The following RGS7BP variants were observed in gnomAD, a reference collection of about 807,000 sequenced individuals.
The protein encoded by RGS7BP is regulator of G protein signaling 7 binding protein.
In RGS7BP, 9 loss-of-function variants were observed where a neutral mutation model predicts 31.3. The observed-to-expected ratio is 0.29, with a 90% confidence interval of 0.17 to 0.50. RGS7BP has a LOEUF of 0.50. Ranked by LOEUF, RGS7BP falls within the 20% of genes least tolerant of loss-of-function variation. The pLI is 0.98. For synonymous variants in RGS7BP, 115 were observed against 120.1 expected, an observed-to-expected ratio of 0.96 and a Z score of 0.28; for missense variants, 274 against 322.0, an observed-to-expected ratio of 0.85 and a Z score of 1.14.
In RGS7BP at chr5:64,609,526, C is replaced by G. The variant is rs1403450438; in HGVS notation, c.*274C>G. On this transcript the variant is annotated 3_prime_UTR_variant, in exon 6 of 6. Coordinates refer to ENST00000334025, the MANE Select transcript of RGS7BP (RefSeq NM_001029875.3). ...ATGTCTGCTCCAAACCACGCCATGA[C>G]AGATGCAAGAATTATGATTTTTAAA... 2 of 389,610 alleles carry G rather than the reference C, an allele frequency of 5.1e-6. No individual in the cohort carries two copies. The highest frequency in any genetic ancestry group is 9.4e-6 in the Non-Finnish European group (2 of 212,376). The allele number at this position is 389,610 out of a possible 1,614,324, so 24.1% of individuals were successfully genotyped here. A position where few individuals can be genotyped will look rare whatever the true frequency, so the allele number is the denominator to read the frequency against.
At chr5:64,589,952 T>C (rs1352129941) in intron 3 of RGS7BP, among the ~76,000 whole-genome samples, 1 of 147,424 alleles carries the variant, frequency 6.8e-6, no homozygotes, top group Non-Finnish European at 1.5e-5. Context: ...ACACAACAAG[T>C]AAATGCACTG....
chr5:64,593,677 T>C (rs1742982016), intron 3 of RGS7BP, among the ~76,000 whole-genome samples: 1 of 152,218 alleles, frequency 6.6e-6, no homozygotes, highest in South Asian at 2.1e-4. Context: ...ACTCCAGCAC[T>C]GTAAGCTCCA....
At chr5:64,526,843 G>A (rs1389439137) in intron 2 of RGS7BP, among the ~76,000 whole-genome samples, 1 of 152,152 alleles carries the variant, frequency 6.6e-6, no homozygotes, top group Non-Finnish European at 1.5e-5. Context: ...TAATGCTAAA[G>A]GGCTCTGTGG....
At chr5:64,584,359 T>C (rs949634297) in intron 3 of RGS7BP, among the ~76,000 whole-genome samples, 14 of 152,188 alleles carry the variant, frequency 9.2e-5, no homozygotes, top group Non-Finnish European at 1.9e-4. Context: ...TGAAAAAGTT[T>C]AATTCTAAGA....
intron 2 of RGS7BP, among the ~76,000 whole-genome samples, chr5:64,555,939 G>A (rs989930036): frequency 6.6e-6 from 1 of 152,100 alleles, no homozygotes; most frequent in African/African-American, 2.4e-5. Flanking sequence ...CATGAAGCTA[G>A]TGGCTACCAT....
intron 2 of RGS7BP, among the ~76,000 whole-genome samples, chr5:64,575,320 T>C (rs1171693194): frequency 6.6e-6 from 1 of 152,170 alleles, no homozygotes; most frequent in Non-Finnish European, 1.5e-5. Context: ...TAAAAATAAT[T>C]TGTAAATTGC....
intron 2 of RGS7BP, among the ~76,000 whole-genome samples, chr5:64,536,782 G>T (rs146878448): frequency 6.6e-6 from 1 of 152,160 alleles, no homozygotes; most frequent in East Asian, 1.9e-4. Flanking sequence ...CAGCTATGCT[G>T]GTTTCCAAAC....
chr5:64,558,033 G>A (rs796519431), intron 2 of RGS7BP, among the ~76,000 whole-genome samples: 23 of 152,194 alleles, frequency 1.5e-4, no homozygotes, highest in African/African-American at 5.5e-4. Flanking sequence ...CCCTCCAGGA[G>A]GCCTCCTGGA....
intron 3 of RGS7BP, among the ~76,000 whole-genome samples, chr5:64,592,091 G>A (rs1435519181): frequency 3.3e-5 from 5 of 152,064 alleles, no homozygotes; most frequent in African/African-American, 1.2e-4. Flanking sequence ...ACATAAAGTC[G>A]GTACTATCGG....
intron 2 of RGS7BP, among the ~76,000 whole-genome samples, chr5:64,519,004 C>G (rs1676911867): frequency 1.3e-5 from 2 of 152,186 alleles, no homozygotes; most frequent in African/African-American, 4.8e-5. Context: ...TGCAACTTCC[C>G]TGACTGCAAG....
In RGS7BP at chr5:64,506,705, G is replaced by C. The variant is rs371338084; in HGVS notation, c.81G>C (p.Pro27=). Residue 27 remains proline, a synonymous_variant, in exon 1 of 6, where the codon CCG becomes CCC. Transcript: ENST00000334025. This position sits in a 1 kb window ranked among gnomAD's most constrained non-coding sequence, Gnocchi z 4.6. The part of the protein sequence containing the change: ...RSSIFQISKP[P]LQSGDWERRG... ...CGATCTTCCAGATCAGCAAGCCCCC[G>C]CTGCAGAGCGGAGATTGGGAGCGCA... The C allele has an allele frequency of 1.2e-6, 2 of 1,613,324 alleles. No individual in the cohort carries two copies. Among genetic ancestry groups the C allele is most frequent in the Admixed American group, 1.7e-5 (1 of 60,024 alleles).
chr5:64,598,983 G>C lies in RGS7BP; in HGVS notation c.682+548G>C, dbSNP rs541281164. Among the ~76,000 whole-genome samples the C allele has an allele frequency of 2.5e-3, 374 of 152,308 alleles. 1 individual carries two copies. Among genetic ancestry groups the C allele is most frequent in the African/African-American group, 8.4e-3 (350 of 41,570 alleles). ...AGACTGTAAGTAGAAAAACTGGGATGTGAAATCAGGCAGTGTGTCTCCAGG... is the reference window on the plus strand; with the variant it reads ...AGACTGTAAGTAGAAAAACTGGGATCTGAAATCAGGCAGTGTGTCTCCAGG... On this transcript the variant is annotated intron_variant, in intron 5 of 5. Coordinates refer to ENST00000334025, the MANE Select transcript of RGS7BP (RefSeq NM_001029875.3).
chr5:64,574,763 C>A (rs1046293345), intron 2 of RGS7BP, among the ~76,000 whole-genome samples: 10 of 152,158 alleles, frequency 6.6e-5, no homozygotes, highest in Non-Finnish European at 1.3e-4. Flanking sequence ...TTATTTTTAT[C>A]TAATAATTAC....
rs1222729271 is a variant in RGS7BP at position 64,506,771 on chromosome 5, C to A, written c.147C>A (p.Ala49=). The A allele has an allele frequency of 3.1e-6, 5 of 1,593,084 alleles. No homozygotes were observed. In the African/African-American group the frequency reaches 4.1e-5, roughly 13 times the overall value. Residue 49 remains alanine, a synonymous_variant, in exon 1 of 6, where the codon GCC becomes GCA. Transcript: ENST00000334025. The surrounding 1 kb of genome is among the most constrained non-coding windows in gnomAD (Gnocchi z 4.6). ...GSESAHKTQR[A]LDDCKMLVQE... ...AGAGCGCCCACAAAACCCAACGAGC[C>A]CTGGACGACTGCAAGATGGTGGGTG...
chr5:64,586,831 G>A (rs1448662133), intron 3 of RGS7BP, among the ~76,000 whole-genome samples: 1 of 152,112 alleles, frequency 6.6e-6, no homozygotes, highest in Non-Finnish European at 1.5e-5. Context: ...CAGAGATGTT[G>A]GACTGAACTT....
chr5:64,556,528 T>C (rs1222745876), intron 2 of RGS7BP, among the ~76,000 whole-genome samples: 3 of 151,708 alleles, frequency 2.0e-5, no homozygotes, highest in African/African-American at 7.3e-5. Context: ...GGAAAATTTG[T>C]TACAATTTTT....
At chr5:64,535,026 A>G (rs1749470153) in intron 2 of RGS7BP, among the ~76,000 whole-genome samples, 3 of 152,118 alleles carry the variant, frequency 2.0e-5, no homozygotes. Context: ...GGAAGGTGAG[A>G]CAGTTTTGCC....
intron 5 of RGS7BP, among the ~76,000 whole-genome samples, chr5:64,607,343 G>A (rs1743388883): frequency 6.6e-6 from 1 of 152,060 alleles, no homozygotes; most frequent in African/African-American, 2.4e-5. Flanking sequence ...CACAGCCTCA[G>A]GAGGTCCTGA....
chr5:64,542,910 A>G (rs1288063651), intron 2 of RGS7BP, among the ~76,000 whole-genome samples: 2 of 152,196 alleles, frequency 1.3e-5, no homozygotes, highest in Non-Finnish European at 2.9e-5. Flanking sequence ...TGTGAAGTCA[A>G]TGTTTGGGGA....
Sources: allele counts gnomAD v4.1 joint callset (sites outside exome capture counted in the v4.1 genomes callset), GRCh38; gene constraint gnomAD v4.1.1; non-coding constraint Gnocchi (gnomAD v3.1); transcripts MANE v1.5; gene names NCBI Gene and HGNC (gene_info 2026-07-23, HGNC 2026-07-21).